The following LRRC4C variants were observed in gnomAD, a reference collection of about 807,000 sequenced individuals.
LRRC4C encodes leucine rich repeat containing 4C.
In LRRC4C, 5 loss-of-function variants were observed where a neutral mutation model predicts 33.6. The ratio of observed to expected loss-of-function variants is 0.15; its 90% CI spans 0.08 to 0.31. LRRC4C has a LOEUF of 0.31. Among genes scored for constraint, LRRC4C ranks in the 10% least tolerant of loss-of-function variants. The probability of loss-of-function intolerance (pLI) is 1.00; values close to 1 mark genes in which losing one functional copy is unlikely to be tolerated. For missense variants in LRRC4C, 560 were observed against 796.7 expected (o/e 0.70, Z 3.58); for synonymous variants, 329 against 302.0 (o/e 1.09, Z -0.93).
intron 1 of LRRC4C, among the ~76,000 whole-genome samples, chr11:41,022,479 A>G (rs924560840): frequency 1.3e-5 from 2 of 151,944 alleles, no homozygotes; most frequent in Non-Finnish European, 2.9e-5. Flanking sequence ...AGAAAGGTCC[A>G]TGATGGTTTA....
intron 2 of LRRC4C, among the ~76,000 whole-genome samples, chr11:40,734,652 T>G (rs2136828300): frequency 6.6e-6 from 1 of 152,216 alleles, no homozygotes; most frequent in Admixed American, 6.5e-5. Context: ...TAGCTAATTA[T>G]GACTAACCGG....
At chr11:41,270,068 ATC>A (rs1288010369) in intron 1 of LRRC4C, among the ~76,000 whole-genome samples, 1 of 152,102 alleles carries the variant, frequency 6.6e-6, no homozygotes, top group Non-Finnish European at 1.5e-5. Flanking sequence ...AATTAGTAAT[ATC>A]TATTTTTACA....
chr11:40,278,411 G>A (rs1212753800), intron 4 of LRRC4C, among the ~76,000 whole-genome samples: 2 of 152,122 alleles, frequency 1.3e-5, no homozygotes, highest in African/African-American at 2.4e-5. Context: ...CCAGGAGTGT[G>A]GGTATTCAAG....
intron 3 of LRRC4C, among the ~76,000 whole-genome samples, chr11:40,544,012 A>G (rs1956822954): frequency 6.6e-6 from 1 of 152,114 alleles, no homozygotes; most frequent in Admixed American, 6.6e-5. Context: ...CGGTTGATAG[A>G]GAAAGAAAAG....
At chr11:40,387,539 G>T (rs963438316) in intron 3 of LRRC4C, among the ~76,000 whole-genome samples, 1 of 152,010 alleles carries the variant, frequency 6.6e-6, no homozygotes, top group African/African-American at 2.4e-5. Context: ...TCCTTATATT[G>T]TTTCAATTTC....
At chr11:41,051,336 T>G (rs549201162) in intron 1 of LRRC4C, among the ~76,000 whole-genome samples, 3 of 152,138 alleles carry the variant, frequency 2.0e-5, no homozygotes, top group Admixed American at 2.0e-4. Flanking sequence ...CTTTCATACA[T>G]TTTGTATTGG....
intron 3 of LRRC4C, among the ~76,000 whole-genome samples, chr11:40,584,456 C>A (rs1958619143): frequency 6.6e-6 from 1 of 151,816 alleles, no homozygotes; most frequent in Admixed American, 6.6e-5. Flanking sequence ...AACCCTCCAA[C>A]CTACTGTGTT....
chr11:40,434,026 C>T (rs1409369680), intron 3 of LRRC4C, among the ~76,000 whole-genome samples: 2 of 152,126 alleles, frequency 1.3e-5, no homozygotes, highest in Non-Finnish European at 2.9e-5. Flanking sequence ...GAGGTTTAAA[C>T]AACTATTTTT....
At chr11:40,600,849 A>C (rs142421808) in intron 3 of LRRC4C, among the ~76,000 whole-genome samples, 40 of 142,152 alleles carry the variant, frequency 2.8e-4, no homozygotes, top group African/African-American at 1.0e-3. Context: ...TTAAATTTTC[A>C]GGAACATATC....
intron 1 of LRRC4C, among the ~76,000 whole-genome samples, chr11:41,041,231 T>C (rs1023126211): frequency 6.6e-6 from 1 of 152,146 alleles, no homozygotes; most frequent in African/African-American, 2.4e-5. Context: ...AGGTTGGTTA[T>C]AGTTACTGGT....
At chr11:41,142,631 C>A (rs1284693867) in intron 1 of LRRC4C, among the ~76,000 whole-genome samples, 1 of 151,994 alleles carries the variant, frequency 6.6e-6, no homozygotes, top group African/African-American at 2.4e-5. Flanking sequence ...CTCATACAGA[C>A]TAATTGCAGA....
intron 2 of LRRC4C, among the ~76,000 whole-genome samples, chr11:40,723,065 T>C (rs1262758984): frequency 1.3e-5 from 2 of 151,992 alleles, no homozygotes; most frequent in Non-Finnish European, 2.9e-5. Flanking sequence ...AAAAAATAAA[T>C]TTTTAAAAAT....
At chr11:40,554,558 G>T (rs1175193152) in intron 3 of LRRC4C, among the ~76,000 whole-genome samples, 1 of 151,966 alleles carries the variant, frequency 6.6e-6, no homozygotes, top group Non-Finnish European at 1.5e-5. Flanking sequence ...GGGCAGTATG[G>T]CCATGTTAAC....
intron 1 of LRRC4C, among the ~76,000 whole-genome samples, chr11:41,257,102 G>A (rs1042916712): frequency 6.6e-6 from 1 of 151,890 alleles, no homozygotes; most frequent in African/African-American, 2.4e-5. Context: ...TTCAGGGTTT[G>A]TTCTTGTGTT....
chr11:40,710,796 C>A (rs1169666035), intron 2 of LRRC4C, among the ~76,000 whole-genome samples: 1 of 152,210 alleles, frequency 6.6e-6, no homozygotes. Flanking sequence ...CTATACCCTG[C>A]CCCCAGAGGT....
intron 3 of LRRC4C, among the ~76,000 whole-genome samples, chr11:40,547,675 T>G (rs7481977): frequency 0.36 from 55,277 of 151,890 alleles, 11,282 homozygotes; most frequent in East Asian, 0.65. Context: ...AATAACACAA[T>G]GAACTTAAAC....
intron 2 of LRRC4C, among the ~76,000 whole-genome samples, chr11:40,764,423 T>A (rs1949357656): frequency 6.6e-6 from 1 of 152,094 alleles, no homozygotes; most frequent in South Asian, 2.1e-4. Context: ...TCTTGCAGCT[T>A]GTGTGCCAGC....
intron 1 of LRRC4C, among the ~76,000 whole-genome samples, chr11:41,165,703 C>T (rs1207688033): frequency 2.0e-5 from 3 of 152,070 alleles, no homozygotes; most frequent in African/African-American, 7.2e-5. Context: ...CAGCTCAAAC[C>T]TGTAGGAGAA....
chr11:40,272,896 T>C (rs1445079398), intron 4 of LRRC4C, among the ~76,000 whole-genome samples: 1 of 152,078 alleles, frequency 6.6e-6, no homozygotes, highest in Non-Finnish European at 1.5e-5. Context: ...CTTTTAGTTA[T>C]ACTAATTCAA....
Sources: allele counts gnomAD v4.1 joint callset (sites outside exome capture counted in the v4.1 genomes callset), GRCh38; gene constraint gnomAD v4.1.1; transcripts MANE v1.5; gene names NCBI Gene and HGNC (gene_info 2026-07-23, HGNC 2026-07-21).